Variants in NFIB observed in about 807,000 individuals in gnomAD.
The protein encoded by NFIB is nuclear factor 1 B-type.
In NFIB, 11 loss-of-function variants were observed where a neutral mutation model predicts 61.5. That is an observed-to-expected ratio of 0.18 (90% CI 0.11 to 0.30). NFIB has a LOEUF of 0.30. NFIB is among the 10% of genes least tolerant of loss of function. The pLI is 1.00. For synonymous variants in NFIB, 260 were observed against 216.5 expected, an observed-to-expected ratio of 1.20 and a Z score of -1.76; for missense variants, 471 against 608.9, an observed-to-expected ratio of 0.77 and a Z score of 2.38.
the NFIB span, among the ~76,000 whole-genome samples, chr9:14,456,233 G>C: frequency 6.6e-6 from 1 of 150,530 alleles, no homozygotes; most frequent in Non-Finnish European, 1.5e-5. Context: ...ATCATTTAAG[G>C]CATGAAAGTG....
At chr9:14,339,194 A>T (rs2060921364) in intron 1 of NFIB, among the ~76,000 whole-genome samples, 1 of 152,184 alleles carries the variant, frequency 6.6e-6, no homozygotes. Context: ...TTAGGGACAA[A>T]AATTGCTTTC....
At position 14,084,654 on chromosome 9, in the gene NFIB, T is replaced by A. The variant is rs1587031844; in HGVS notation, c.*3655A>T. On this transcript the variant is annotated 3_prime_UTR_variant, in exon 11 of 11. Transcript: ENST00000380953. ...CGGAACTGATGGTTGGAGACACCACTCCCTACTCATGCCCTTGGGTGACCT... is the reference window on the plus strand; with the variant it reads ...CGGAACTGATGGTTGGAGACACCACACCCTACTCATGCCCTTGGGTGACCT... The A allele has an allele frequency of 8.7e-6, 2 of 229,992 alleles. No individual in the cohort carries two copies. Among genetic ancestry groups the A allele is most frequent in the Admixed American group, 5.7e-5 (1 of 17,632 alleles). The allele number at this position is 229,992 out of a possible 1,614,324, so 14.2% of individuals were successfully genotyped here.
At chr9:14,451,774 G>T in the NFIB span, among the ~76,000 whole-genome samples, 1 of 152,134 alleles carries the variant, frequency 6.6e-6, no homozygotes, top group Non-Finnish European at 1.5e-5. Context: ...TTGAAAGGCA[G>T]CTTGAGTTTC....
intron 1 of NFIB, among the ~76,000 whole-genome samples, chr9:14,323,735 C>G (rs1402550577): frequency 6.6e-6 from 1 of 152,126 alleles, no homozygotes; most frequent in Non-Finnish European, 1.5e-5. Flanking sequence ...CCTCAAAGTC[C>G]TAGAGAACTT....
At chr9:14,303,667 G>C (rs1041486680) in intron 2 of NFIB, among the ~76,000 whole-genome samples, 1 of 152,088 alleles carries the variant, frequency 6.6e-6, no homozygotes, top group Non-Finnish European at 1.5e-5. Context: ...GCCAACCAAC[G>C]AATCAAAGGC....
At chr9:14,179,699 T>C (rs765288356) in intron 3 of NFIB, 28 bp downstream of exon 3, 2 of 1,612,516 alleles carry the variant, frequency 1.2e-6, no homozygotes, top group Non-Finnish European at 1.7e-6. Context: ...CAATGTCAGA[T>C]TGCAAATGTC....
chr9:14,427,890 ACTT>A, the NFIB span, among the ~76,000 whole-genome samples: 1 of 137,790 alleles, frequency 7.3e-6, no homozygotes, highest in East Asian at 2.2e-4. Flanking sequence ...TTCCCCTGCC[ACTT>A]CTTCTAGAAA....
chr9:14,174,129 A>T (rs2131381621), intron 3 of NFIB, among the ~76,000 whole-genome samples: 1 of 152,314 alleles, frequency 6.6e-6, no homozygotes, highest in Admixed American at 6.5e-5. Flanking sequence ...ACGTCTCCAA[A>T]CAAGTTAGAG....
chr9:14,218,474 A>G (rs1489723918), intron 2 of NFIB, among the ~76,000 whole-genome samples: 2 of 152,172 alleles, frequency 1.3e-5, no homozygotes, highest in South Asian at 2.1e-4. Flanking sequence ...TGCATACAGT[A>G]ATGTGAGACG....
At position 14,227,095 on chromosome 9, in the gene NFIB, C is replaced by T. The variant is rs1325453038; in HGVS notation, c.563-47315G>A. Among the ~76,000 whole-genome samples the T allele has an allele frequency of 2.7e-5, 4 of 146,550 alleles. No individual in the cohort carries two copies. The Admixed American group carries it at 2.8e-4, about 10-fold the overall frequency. ...GGCAAAGTTTGCAGTGAGCCGAGAT[C>T]ACGCCATTGCACTCCAGCCTGGGCA... On this transcript the variant is annotated intron_variant, in intron 2 of 10. Transcript: ENST00000380953.
Position 14,085,956 on chromosome 9 carries a change from C to G in NFIB, c.*2353G>C, listed in dbSNP as rs1443640422. On this transcript the variant is annotated 3_prime_UTR_variant, in exon 11 of 11. Transcript: ENST00000380953. ...AAATATGAGACAGGCTCACTCTCCA[C>G]TGTGGATCTGGAACTTTCAAGAAAA... 4.4e-6 allele frequency: 1 copy of G among 229,178 alleles called. No individual in the cohort carries two copies. The highest frequency in any genetic ancestry group is 6.2e-5 in the East Asian group (1 of 16,120). The allele number at this position is 229,178 out of a possible 1,614,324, so 14.2% of individuals were successfully genotyped here. A position where few individuals can be genotyped will look rare whatever the true frequency, so the allele number is the denominator to read the frequency against.
At chr9:14,315,822 A>G (rs2060521972), upstream of NFIB, among the ~76,000 whole-genome samples, 1 of 151,696 alleles carries the variant, frequency 6.6e-6, no homozygotes, top group Non-Finnish European at 1.5e-5. Context: ...GGCCTCCCAG[A>G]CAATGGAGGG....
chr9:14,500,388 A>G, the NFIB span, among the ~76,000 whole-genome samples: 1 of 152,136 alleles, frequency 6.6e-6, no homozygotes, highest in Non-Finnish European at 1.5e-5. Context: ...AAAATTATAT[A>G]TGTAAAACAA....
At chr9:14,468,687 T>TA in the NFIB span, among the ~76,000 whole-genome samples, 36 of 152,336 alleles carry the variant, frequency 2.4e-4, no homozygotes, top group South Asian at 8.3e-4. Flanking sequence ...CTGGTGGAGA[T>TA]ACAGTGGATG....
chr9:14,206,191 T>C (rs1335746771), intron 2 of NFIB, among the ~76,000 whole-genome samples: 1 of 150,024 alleles, frequency 6.7e-6, no homozygotes, highest in Non-Finnish European at 1.5e-5. Context: ...TTTTTTTTTT[T>C]CTTCTTTGAG....
At chr9:14,408,405 A>T in the NFIB span, among the ~76,000 whole-genome samples, 1 of 152,172 alleles carries the variant, frequency 6.6e-6, no homozygotes, top group Non-Finnish European at 1.5e-5. Flanking sequence ...GATTTCCATT[A>T]TCCCTAGGGT....
At chr9:14,174,175 T>A (rs56150137) in intron 3 of NFIB, among the ~76,000 whole-genome samples, 8,780 of 151,120 alleles carry the variant, frequency 0.058, 765 homozygotes, top group African/African-American at 0.19. Context: ...CAAAATACAT[T>A]AAAAAAAAAG....
At chr9:14,195,845 G>T (rs1414767653) in intron 2 of NFIB, among the ~76,000 whole-genome samples, 1 of 151,988 alleles carries the variant, frequency 6.6e-6, no homozygotes, top group Non-Finnish European at 1.5e-5. Flanking sequence ...ATCTAGTAAG[G>T]GCATTGGGAG....
At chr9:14,349,957 T>C (rs773226585) in intron 1 of NFIB, among the ~76,000 whole-genome samples, 4 of 152,152 alleles carry the variant, frequency 2.6e-5, no homozygotes, top group Admixed American at 6.5e-5. Context: ...TGCCCCTTTC[T>C]ATACCCACTC....
Sources: allele counts gnomAD v4.1 joint callset (sites outside exome capture counted in the v4.1 genomes callset), GRCh38; gene constraint gnomAD v4.1.1; transcripts MANE v1.5; gene names NCBI Gene and HGNC (gene_info 2026-07-23, HGNC 2026-07-21).